SV2C: variants seen among roughly 807,000 people sequenced by gnomAD.
SV2C encodes the protein synaptic vesicle glycoprotein 2C.
Under a neutral mutation model 79.7 loss-of-function variants are expected in SV2C, and 49 were observed. That is an observed-to-expected ratio of 0.61 (90% CI 0.49 to 0.78). SV2C has a LOEUF of 0.78. SV2C is among the 30% of genes least tolerant of loss of function. SV2C has a pLI of 0.00. For missense variants in SV2C, 833 were observed against 912.9 expected (o/e 0.91, Z 1.13); for synonymous variants, 334 against 333.2 (o/e 1.00, Z -0.03).
At chr5:76,112,717 C>G (rs921830024) in intron 1 of SV2C, among the ~76,000 whole-genome samples, 1 of 152,182 alleles carries the variant, frequency 6.6e-6, no homozygotes, top group Non-Finnish European at 1.5e-5. Flanking sequence ...CAAGTGTTTC[C>G]TCAACATATT....
rs3079931 is a variant in SV2C at position 76,139,856 on chromosome 5, A to ATTTTTTT, written c.580+7544_580+7550dup. Among the ~76,000 whole-genome samples the ATTTTTTT allele has an allele frequency of 1.5e-4, 10 of 65,356 alleles. 1 individual carries two copies. The highest frequency in any genetic ancestry group is 3.8e-4 in the African/African-American group (8 of 20,922). The allele number at this position is 65,356 out of a possible 152,430, so 42.9% of individuals were successfully genotyped here. Reference sequence around the variant, plus strand: ...TCCATTTTTAGAAGCTCTTGAAAGTATTTTTTTTTTTTTTTTTTTTTTTTG... The same window carrying ATTTTTTT: ...TCCATTTTTAGAAGCTCTTGAAAGTATTTTTTTTTTTTTTTTTTTTTTTTTTTTTTTG... On this transcript the variant is annotated intron_variant, in intron 2 of 12. Transcript: ENST00000502798.
chr5:76,093,405 C>T (rs1747442882), intron 1 of SV2C, among the ~76,000 whole-genome samples: 1 of 152,146 alleles, frequency 6.6e-6, no homozygotes, highest in Non-Finnish European at 1.5e-5. Context: ...CCAGAACTTC[C>T]AGTCCACAAG....
In SV2C at chr5:76,203,321, T is replaced by A. The variant is rs1441614291; in HGVS notation, c.762-6415T>A. On this transcript the variant is annotated intron_variant, in intron 3 of 12. Transcript: ENST00000502798. ...AGGGGGTGGATAGAGGGATAATGGG[T>A]GGATAATGGGTAAATGAAGGGTGGG... Among the ~76,000 whole-genome samples, 3 of 150,930 alleles carry A rather than the reference T, an allele frequency of 2.0e-5. No homozygotes were observed. In the East Asian group the frequency reaches 5.8e-4, roughly 29 times the overall value.
At chr5:75,975,415 C>T in the SV2C span, among the ~76,000 whole-genome samples, 1 of 152,156 alleles carries the variant, frequency 6.6e-6, no homozygotes, top group Non-Finnish European at 1.5e-5. Context: ...AAAATCCTTG[C>T]TCCATGTCTA....
chr5:76,219,433 G>A (rs1183527230), intron 4 of SV2C, among the ~76,000 whole-genome samples: 3 of 152,260 alleles, frequency 2.0e-5, no homozygotes, highest in African/African-American at 7.2e-5. Flanking sequence ...GTCTTTAAGG[G>A]CTTAAAAAGT....
the SV2C span, among the ~76,000 whole-genome samples, chr5:75,996,525 T>G: frequency 2.0e-5 from 3 of 152,148 alleles, no homozygotes; most frequent in South Asian, 4.1e-4. Context: ...GTGAAGAAAG[T>G]CATTGGTAGC....
At position 76,333,531 on chromosome 5, in the gene SV2C, A is replaced by G. The variant is rs998555106; in HGVS notation, c.*7984A>G. The stretch of plus-strand genomic sequence containing the variant: ...TTGTTTGGCTTTGTTTTCCTTTTTT[A>G]TTCTTCCTGTTTTTAATGCTGTGTA... On this transcript the variant is annotated 3_prime_UTR_variant, in exon 13 of 13. Coordinates refer to ENST00000502798, the MANE Select transcript of SV2C (RefSeq NM_014979.4). 1 of 151,964 alleles carries G rather than the reference A, an allele frequency of 6.6e-6. No homozygotes were observed. Among genetic ancestry groups the G allele is most frequent in the South Asian group, 2.1e-4 (1 of 4,822 alleles). 9.4% of individuals were successfully genotyped at this position (151,964 alleles called of 1,614,324 possible). A position where few individuals can be genotyped will look rare whatever the true frequency, so the allele number is the denominator to read the frequency against.
At chr5:75,940,337 C>T in the SV2C span, among the ~76,000 whole-genome samples, 3 of 151,492 alleles carry the variant, frequency 2.0e-5, no homozygotes, top group African/African-American at 4.9e-5. Flanking sequence ...GCACTTCAGC[C>T]GATTGTGCCA....
intron 4 of SV2C, among the ~76,000 whole-genome samples, chr5:76,245,521 A>C (rs549609536): frequency 6.6e-6 from 1 of 152,194 alleles, no homozygotes; most frequent in South Asian, 2.1e-4. Flanking sequence ...AGATCAACCT[A>C]AGCTCAATAC....
intron 1 of SV2C, among the ~76,000 whole-genome samples, chr5:76,131,214 C>T (rs1183602781): frequency 6.6e-6 from 1 of 151,970 alleles, no homozygotes; most frequent in Non-Finnish European, 1.5e-5. Flanking sequence ...GGAAATAGGC[C>T]CAGTAGGATT....
intron 2 of SV2C, among the ~76,000 whole-genome samples, chr5:76,174,502 C>A (rs1743461999): frequency 6.6e-6 from 1 of 152,186 alleles, no homozygotes; most frequent in African/African-American, 2.4e-5. Context: ...AGAGAGAGAT[C>A]CTGAATCTTC....
At chr5:76,078,372 G>C in the SV2C span, among the ~76,000 whole-genome samples, 1 of 152,208 alleles carries the variant, frequency 6.6e-6, no homozygotes, top group East Asian at 1.9e-4. Flanking sequence ...TGAAGTCCAG[G>C]AGGCATAGTC....
the SV2C span, among the ~76,000 whole-genome samples, chr5:75,970,472 T>A: frequency 6.6e-6 from 1 of 151,652 alleles, no homozygotes; most frequent in African/African-American, 2.4e-5. Flanking sequence ...ATAGACGCAA[T>A]AAAAAATGAC....
chr5:76,055,637 T>C, the SV2C span, among the ~76,000 whole-genome samples: 1 of 152,224 alleles, frequency 6.6e-6, no homozygotes, highest in Admixed American at 6.5e-5. Context: ...GAGCATGGAA[T>C]GTTTTTCCAT....
the SV2C span, among the ~76,000 whole-genome samples, chr5:75,873,428 A>G: frequency 1.3e-5 from 2 of 152,280 alleles, no homozygotes; most frequent in African/African-American, 4.8e-5. Flanking sequence ...AATTGTAATA[A>G]TTTAATTCTA....
At chr5:76,310,649 G>A (rs569129547) in intron 12 of SV2C, among the ~76,000 whole-genome samples, 2 of 152,332 alleles carry the variant, frequency 1.3e-5, no homozygotes, top group East Asian at 3.9e-4. Context: ...TGCCAATGGA[G>A]GTGGTGAGAA....
the SV2C span, chr5:75,911,374 C>A: frequency 8.2e-7 from 1 of 1,212,962 alleles, no homozygotes; most frequent in Non-Finnish European, 1.2e-6. Flanking sequence ...ATCTGAACAA[C>A]CAAAGAAGAG....
At chr5:76,347,472 T>C (rs563854215) in intron 12 of SV2C, among the ~76,000 whole-genome samples, 1 of 147,826 alleles carries the variant, frequency 6.8e-6, no homozygotes, top group African/African-American at 2.5e-5. Context: ...TGAGACAGAG[T>C]CTCTCTCTGT....
chr5:76,120,598 A>C (rs1249861452), intron 1 of SV2C, among the ~76,000 whole-genome samples: 1 of 136,654 alleles, frequency 7.3e-6, no homozygotes, highest in Non-Finnish European at 1.5e-5. Flanking sequence ...ATTCCCATCT[A>C]TGAGTGAGAA....
Sources: gnomAD v4.1 joint callset for allele counts (sites outside exome capture counted in the v4.1 genomes callset) on GRCh38, gnomAD v4.1.1 for gene constraint, MANE v1.5 for transcripts, NCBI Gene and HGNC (gene_info 2026-07-23, HGNC 2026-07-21) for gene names.